RALGDS: variants seen among roughly 807,000 people sequenced by gnomAD.
RALGDS encodes the protein ral guanine nucleotide exchange factor.
In RALGDS, 44 loss-of-function variants were observed where a neutral mutation model predicts 99.8. The observed-to-expected ratio is 0.44, with a 90% confidence interval of 0.35 to 0.57. The LOEUF (loss-of-function observed/expected upper bound fraction) is 0.57, where lower values mean the gene tolerates loss of function less well. RALGDS is among the 20% of genes least tolerant of loss of function. RALGDS has a pLI of 0.01. For missense variants in RALGDS, 1,022 were observed against 1,203.1 expected, an observed-to-expected ratio of 0.85 and a Z score of 2.23; for synonymous variants, 529 against 505.0, an observed-to-expected ratio of 1.05 and a Z score of -0.64.
rs1488816156 is a variant in RALGDS at position 133,112,063 on chromosome 9, G to C, written c.273C>G (p.Asn91Lys). The C allele has an allele frequency of 1.9e-6, 3 of 1,582,458 alleles. No homozygotes were observed. Among genetic ancestry groups the C allele is most frequent in the Non-Finnish European group, 2.6e-6 (3 of 1,163,268 alleles). The change falls in exon 2 of 18, where the codon AAC (asparagine) becomes AAG (lysine). Residue 91 changes from asparagine (N) to lysine (K), a missense_variant. Transcript: ENST00000372050. ...LRKVQLHHGG[N>K]KGQRWLGYEN... Reference sequence around the variant, plus strand: ...TCACCCCGAGCCAGCGCTGCCCCTTGTTGCCTCCGTGGTGCAGCTGCACCT... The same window carrying C: ...TCACCCCGAGCCAGCGCTGCCCCTTCTTGCCTCCGTGGTGCAGCTGCACCT...
upstream of RALGDS, among the ~76,000 whole-genome samples, chr9:133,132,591 G>A (rs1832355485): frequency 6.6e-6 from 1 of 152,134 alleles, no homozygotes; most frequent in African/African-American, 2.4e-5. Flanking sequence ...ATGTTTGGTT[G>A]GGTGGGGGGC....
At chr9:133,120,841 G>GGAGGAGA (rs1438879494) in intron 1 of RALGDS, 131 bp downstream of exon 1, 26 of 1,049,276 alleles carry the variant, frequency 2.5e-5, no homozygotes, top group South Asian at 1.7e-4. Flanking sequence ...CCCCACCTAT[G>GGAGGAGA]GAGGAGAGAG....
chr9:133,130,854 C>T (rs1832314159), intron 1 of RALGDS: 2 of 1,204,324 alleles, frequency 1.7e-6, no homozygotes, highest in African/African-American at 1.5e-5. Context: ...ACGCTCCTTC[C>T]ATCCTGACCT....
rs757398564 is a variant in RALGDS at position 133,101,609 on chromosome 9, G to A, written c.2365C>T (p.Leu789=). Residue 789 remains leucine, a synonymous_variant, in exon 16 of 18, where the codon CTG becomes TTG. Transcript: ENST00000372050. The stretch of plus-strand genomic sequence containing the variant: ...CCCACCTGCTGGTTGTAGAGCGGCA[G>A]CGCGGAGCTGGAGTTGCAGAGCCCT... ...VSGLCNSSSA[L]PLYNQQVGDC... The A allele has an allele frequency of 6.2e-7, 1 of 1,613,096 alleles. No individual in the cohort carries two copies. The highest frequency in any genetic ancestry group is 1.7e-5 in the Admixed American group (1 of 60,034).
At chr9:133,118,087 G>T (rs62574330) in intron 1 of RALGDS, among the ~76,000 whole-genome samples, 36,285 of 152,142 alleles carry the variant, frequency 0.24, 4,900 homozygotes, top group Middle Eastern at 0.41. Context: ...AGCCAGCCTG[G>T]TCCCCCTCTT....
chr9:133,123,631 C>A (rs1223688802), upstream of RALGDS, among the ~76,000 whole-genome samples: 3 of 152,250 alleles, frequency 2.0e-5, no homozygotes, highest in Admixed American at 6.5e-5. Context: ...TTGGGACTCA[C>A]CTCCCAACTT....
intron 1 of RALGDS, among the ~76,000 whole-genome samples, chr9:133,127,489 A>G (rs577760962): frequency 3.0e-4 from 45 of 152,356 alleles, no homozygotes; most frequent in Admixed American, 2.0e-3. Flanking sequence ...TGGGGAGGAC[A>G]TGAAAAGGGT....
At chr9:133,110,602 C>G (rs1831294902) in intron 2 of RALGDS, 113 bp from the exon 3 acceptor site, 4 of 903,902 alleles carry the variant, frequency 4.4e-6, no homozygotes, top group African/African-American at 1.6e-5. Flanking sequence ...GACTGAGTAT[C>G]TCTAGCAGAA....
intron 1 of RALGDS, among the ~76,000 whole-genome samples, chr9:133,146,384 G>A (rs970273279): frequency 5.3e-5 from 8 of 152,152 alleles, no homozygotes; most frequent in African/African-American, 9.7e-5. Context: ...TAGAGACGGG[G>A]TTTCACCACG....
At chr9:133,147,905 C>T (rs143685973) in intron 1 of RALGDS, among the ~76,000 whole-genome samples, 2,379 of 152,262 alleles carry the variant, frequency 0.016, 44 homozygotes, top group Middle Eastern at 0.034. Context: ...CCAGTTCACT[C>T]GTGAGGCCTC....
At chr9:133,140,886 G>A (rs1159810884) in intron 1 of RALGDS, among the ~76,000 whole-genome samples, 5 of 152,122 alleles carry the variant, frequency 3.3e-5, no homozygotes, top group South Asian at 2.1e-4. Flanking sequence ...GCAGCTCCCC[G>A]CCACTGTCTG....
intron 9 of RALGDS, among the ~76,000 whole-genome samples, chr9:133,105,135 G>A (rs1830954498): frequency 6.6e-6 from 1 of 152,148 alleles, no homozygotes; most frequent in East Asian, 1.9e-4. Context: ...GCTGTGCCAC[G>A]GAGGGAGAGG....
intron 1 of RALGDS, among the ~76,000 whole-genome samples, chr9:133,143,408 G>A (rs1191644441): frequency 2.6e-5 from 4 of 152,206 alleles, no homozygotes; most frequent in Non-Finnish European, 4.4e-5. Flanking sequence ...CTGGTAGCTC[G>A]GTGAGCGAGG....
upstream of RALGDS, among the ~76,000 whole-genome samples, chr9:133,122,459 A>G (rs1376804113): frequency 2.0e-5 from 3 of 152,184 alleles, no homozygotes; most frequent in African/African-American, 4.8e-5. Flanking sequence ...CAGACAGCAC[A>G]TTCCACGAGC....
chr9:133,116,555 C>T (rs1831618124), intron 1 of RALGDS, among the ~76,000 whole-genome samples: 1 of 152,242 alleles, frequency 6.6e-6, no homozygotes, highest in African/African-American at 2.4e-5. Flanking sequence ...CAGCCCCTGA[C>T]AGTCAGGTGA....
chr9:133,106,638 T>C lies in RALGDS; in HGVS notation c.1517+7A>G, dbSNP rs1831073852. On this transcript the variant is annotated splice_region_variant and intron_variant, in intron 8 of 17. Transcript: ENST00000372050. ...TGCACCAGGAGCTCCTACAGAGGCA[T>C]GCCCACCTGGAAACGTCTTCCCACG... The C allele has an allele frequency of 6.3e-7, 1 of 1,597,410 alleles. No homozygotes were observed. Among genetic ancestry groups the C allele is most frequent in the East Asian group, 2.3e-5 (1 of 44,416 alleles).
exon 1 of RALGDS, chr9:133,149,134 T>TCGGGGCCGCCCCGGCAGCCGC (rs1418793766): frequency 4.1e-6 from 1 of 246,574 alleles, no homozygotes; most frequent in Non-Finnish European, 6.6e-6. Flanking sequence ...TCTGCGGCCC[T>TCGGGGCCGCCCCGGCAGCCGC]CGGGGCCGCC....
intron 9 of RALGDS, among the ~76,000 whole-genome samples, chr9:133,105,579 G>T (rs962738967): frequency 6.6e-6 from 1 of 152,088 alleles, no homozygotes; most frequent in South Asian, 2.1e-4. Flanking sequence ...AGACTGGGCC[G>T]GTGTGGGGGC....
intron 16 of RALGDS, 179 bp from the exon 17 acceptor site, chr9:133,100,561 C>T (rs1830709321): frequency 2.7e-6 from 4 of 1,470,932 alleles, no homozygotes; most frequent in Non-Finnish European, 2.7e-6. Flanking sequence ...CAAGTGAGGC[C>T]TCCGTCCTTC....
Sources: gnomAD v4.1 joint callset for allele counts (sites outside exome capture counted in the v4.1 genomes callset) on GRCh38, gnomAD v4.1.1 for gene constraint, MANE v1.5 for transcripts, NCBI Gene and HGNC (gene_info 2026-07-23, HGNC 2026-07-21) for gene names.